Variants in ANO10 observed in about 807,000 individuals in gnomAD.
ANO10 encodes the protein anoctamin-10.
A neutral mutation model predicts 74.7 loss-of-function variants in ANO10; 77 were observed. That is an observed-to-expected ratio of 1.03 (90% CI 0.86 to 1.25). The LOEUF is 1.25. Ranked by LOEUF, ANO10 falls within the 50% of genes most tolerant of loss-of-function variation. The pLI, the probability that ANO10 is intolerant of heterozygous loss-of-function variation, is 0.00. For missense variants in ANO10, 721 were observed against 778.1 expected, an observed-to-expected ratio of 0.93 and a Z score of 0.87; for synonymous variants, 279 against 284.9, an observed-to-expected ratio of 0.98 and a Z score of 0.21.
At chr3:43,511,951 G>A (rs2077523300) in intron 11 of ANO10, among the ~76,000 whole-genome samples, 1 of 152,184 alleles carries the variant, frequency 6.6e-6, no homozygotes, top group Non-Finnish European at 1.5e-5. Context: ...CATGGTACAA[G>A]GGCCAAATTC....
chr3:43,392,902 C>T (rs1006101218), intron 12 of ANO10, among the ~76,000 whole-genome samples: 7 of 152,200 alleles, frequency 4.6e-5, no homozygotes, highest in Admixed American at 6.5e-5. Flanking sequence ...CACCCGTGAC[C>T]GCCATATTGT....
intron 11 of ANO10, among the ~76,000 whole-genome samples, chr3:43,454,589 AAAG>A (rs1400782666): frequency 6.6e-6 from 1 of 151,972 alleles, no homozygotes; most frequent in Non-Finnish European, 1.5e-5. Flanking sequence ...AAGAGATACT[AAAG>A]AAGAGTGGTC....
chr3:43,651,502 A>G (rs1428804735), intron 1 of ANO10, among the ~76,000 whole-genome samples: 1 of 152,196 alleles, frequency 6.6e-6, no homozygotes, highest in East Asian at 1.9e-4. Context: ...AGTGTCTTAA[A>G]AAAAGAGGGA....
intron 11 of ANO10, among the ~76,000 whole-genome samples, chr3:43,481,682 G>C (rs1264252534): frequency 6.6e-6 from 1 of 152,068 alleles, no homozygotes; most frequent in Admixed American, 6.6e-5. Context: ...ATAAAACCCT[G>C]GTCTCAACAA....
chr3:43,599,431 C>A (rs1267931330), intron 3 of ANO10, among the ~76,000 whole-genome samples: 1 of 152,046 alleles, frequency 6.6e-6, no homozygotes, highest in African/African-American at 2.4e-5. Context: ...TCAGCAGGAG[C>A]CAGAAAATTC....
At chr3:43,659,044 C>G (rs563052563) in intron 1 of ANO10, among the ~76,000 whole-genome samples, 6 of 152,160 alleles carry the variant, frequency 3.9e-5, no homozygotes, top group Non-Finnish European at 8.8e-5. Flanking sequence ...GGGGAAAAGG[C>G]AGTATCTTCT....
chr3:43,595,877 A>AAAAATCTCCTTAAGCC (rs1217747709), intron 4 of ANO10, among the ~76,000 whole-genome samples: 19 of 152,132 alleles, frequency 1.2e-4, no homozygotes, highest in Non-Finnish European at 2.6e-4. Flanking sequence ...CGTCTCAGCC[A>AAAAATCTCCTTAAGCC]AAAATCTCCT....
intron 12 of ANO10, among the ~76,000 whole-genome samples, chr3:43,374,798 T>C (rs1303945142): frequency 2.6e-5 from 4 of 152,218 alleles, no homozygotes; most frequent in Admixed American, 6.5e-5. Flanking sequence ...TATGCACACA[T>C]TTTAGCAAGA....
chr3:43,573,210 G>C (rs1047396923), intron 7 of ANO10, among the ~76,000 whole-genome samples: 1 of 152,122 alleles, frequency 6.6e-6, no homozygotes. Context: ...GAACTTCCTA[G>C]CTGATTTAGC....
intron 12 of ANO10, among the ~76,000 whole-genome samples, chr3:43,417,233 T>C (rs2148905043): frequency 6.6e-6 from 1 of 152,314 alleles, no homozygotes; most frequent in African/African-American, 2.4e-5. Context: ...AAGAACTACC[T>C]GGGACTAGGC....
intron 1 of ANO10, among the ~76,000 whole-genome samples, chr3:43,641,016 G>A (rs2083665569): frequency 6.6e-6 from 1 of 152,180 alleles, no homozygotes; most frequent in African/African-American, 2.4e-5. Context: ...TGCAGCTATA[G>A]GGAGCTATGG....
chr3:43,436,265 A>AT (rs1397587448), intron 11 of ANO10, among the ~76,000 whole-genome samples: 2 of 152,128 alleles, frequency 1.3e-5, no homozygotes, highest in Non-Finnish European at 2.9e-5. Flanking sequence ...CATTTTCATC[A>AT]TTTTTTCTTG....
chr3:43,369,678 C>T (rs1023800467), intron 12 of ANO10, among the ~76,000 whole-genome samples: 2 of 152,170 alleles, frequency 1.3e-5, no homozygotes, highest in African/African-American at 2.4e-5. Context: ...CCTCCCAGGG[C>T]CATGGTATGG....
chr3:43,508,953 A>AG (rs1210164383), intron 11 of ANO10, among the ~76,000 whole-genome samples: 3 of 31,006 alleles, frequency 9.7e-5, no homozygotes, highest in Admixed American at 2.6e-4. Flanking sequence ...TAAAAAAAAA[A>AG]AAAAGAAAAG....
chr3:43,554,578 T>G (rs2079644943), intron 10 of ANO10, among the ~76,000 whole-genome samples: 1 of 152,200 alleles, frequency 6.6e-6, no homozygotes, highest in South Asian at 2.1e-4. Flanking sequence ...TTTTAGTTGA[T>G]TTCTCTGACA....
intron 11 of ANO10, among the ~76,000 whole-genome samples, chr3:43,546,099 G>A (rs1023586592): frequency 6.6e-6 from 1 of 152,000 alleles, no homozygotes; most frequent in Admixed American, 6.6e-5. Flanking sequence ...CCAAAGCTAG[G>A]GCCCTCTCAA....
In ANO10 at chr3:43,470,102, T is replaced by C. The variant is rs200506366; in HGVS notation, c.1798-37375A>G. Among the ~76,000 whole-genome samples the C allele has an allele frequency of 1.4e-4, 21 of 152,326 alleles. No individual in the cohort carries two copies. In the East Asian group the frequency reaches 2.9e-3, roughly 21 times the overall value. On this transcript the variant is annotated intron_variant, in intron 11 of 12. Transcript: ENST00000292246. ...ATTAGAATGTCTTTCAGTAAATAAA[T>C]TGATAAACAAACTGTTGCATAGTTA... is the stretch of plus-strand genomic sequence containing the variant.
intron 11 of ANO10, among the ~76,000 whole-genome samples, chr3:43,521,150 C>T (rs1377979863): frequency 6.6e-6 from 1 of 152,184 alleles, no homozygotes; most frequent in Non-Finnish European, 1.5e-5. Flanking sequence ...TTCTTATCTA[C>T]TTCCCTTGGC....
At chr3:43,502,574 C>G (rs1345198818) in intron 11 of ANO10, among the ~76,000 whole-genome samples, 2 of 152,166 alleles carry the variant, frequency 1.3e-5, no homozygotes, top group Non-Finnish European at 2.9e-5. Context: ...GTACAGCCTG[C>G]AGAACCATGA....
Sources: allele counts gnomAD v4.1 joint callset (sites outside exome capture counted in the v4.1 genomes callset), GRCh38; gene constraint gnomAD v4.1.1; transcripts MANE v1.5; gene names NCBI Gene and HGNC (gene_info 2026-07-23, HGNC 2026-07-21).